The following KLRC4 variants were observed in gnomAD, a reference collection of about 807,000 sequenced individuals.
KLRC4 encodes the protein killer cell lectin like receptor C4, also known as NKG2-F type II integral membrane protein.
Under a neutral mutation model 14.3 loss-of-function variants are expected in KLRC4, and 6 were observed. That is an observed-to-expected ratio of 0.42 (90% CI 0.23 to 0.83). The LOEUF (loss-of-function observed/expected upper bound fraction) is 0.83. Among genes scored for constraint, KLRC4 ranks in the 40% least tolerant of loss-of-function variants. The pLI is 0.29. For synonymous variants in KLRC4, 53 were observed against 60.5 expected, an observed-to-expected ratio of 0.88 and a Z score of 0.57; for missense variants, 158 against 179.4, an observed-to-expected ratio of 0.88 and a Z score of 0.68.
rs1863554757 is a variant in KLRC4, at chr12:10,409,648, T to C, written c.-73A>G. On this transcript the variant is annotated 5_prime_UTR_variant, in exon 1 of 4. Coordinates refer to ENST00000309384, the MANE Select transcript of KLRC4 (RefSeq NM_013431.2). ...TTAAGAAGCTATAAGTGGTGTATAT[T>C]TTGACAGGATCCCTGGTATAGGCAA... 1 of 1,509,520 alleles carries C rather than the reference T, an allele frequency of 6.6e-7. No individual in the cohort carries two copies. Among genetic ancestry groups the C allele is most frequent in the Non-Finnish European group, 8.9e-7 (1 of 1,127,440 alleles). The allele number at this position is 1,509,520 out of a possible 1,614,324, so 93.5% of individuals were successfully genotyped here.
chr12:10,408,792 T>C, intron 2 of KLRC4, 120 bp downstream of exon 2: 2 of 1,207,040 alleles, frequency 1.7e-6, no homozygotes, highest in Non-Finnish European at 2.3e-6. Flanking sequence ...CATATTATCT[T>C]GGGGTTCAGA....
chr12:10,409,325 C>T lies in KLRC4; in HGVS notation c.187+64G>A, dbSNP rs1003878762. On this transcript the variant is annotated intron_variant, in intron 1 of 3. Coordinates refer to ENST00000309384, the MANE Select transcript of KLRC4 (RefSeq NM_013431.2). Reference sequence around the variant, plus strand: ...TGCAAAATATTCCCTAATCTTTCCCCACCTTTCTGCATTCAACTGCACATC... The same window carrying T: ...TGCAAAATATTCCCTAATCTTTCCCTACCTTTCTGCATTCAACTGCACATC... 7.4e-6 allele frequency: 11 copies of T among 1,480,312 alleles called. 1 individual carries two copies. Among genetic ancestry groups the T allele is most frequent in the South Asian group, 7.1e-5 (6 of 84,024 alleles). The allele number at this position is 1,480,312 out of a possible 1,614,324, so 91.7% of individuals were successfully genotyped here.
chr12:10,409,086 C>A, intron 1 of KLRC4, 76 bp from the exon 2 acceptor site: 1 of 1,485,610 alleles, frequency 6.7e-7, no homozygotes, highest in Non-Finnish European at 9.3e-7. Flanking sequence ...AGAGAACTCA[C>A]GTGCACAGGA....
At chr12:10,408,271 C>T in intron 3 of KLRC4, 58 bp downstream of exon 3, 3 of 963,468 alleles carry the variant, frequency 3.1e-6, no homozygotes, top group South Asian at 2.8e-5. Flanking sequence ...ATTTTGCATC[C>T]CTTTAGAGAC....
At position 10,409,111 on chromosome 12, in the gene KLRC4, A is replaced by G. The variant is rs1863546261; in HGVS notation, c.188-101T>C. ...CGTGCACAGGAAAACATAATGATAA[A>G]CTCTGTCCTCTAAATCTACATCTAC... On this transcript the variant is annotated intron_variant, in intron 1 of 3. Coordinates refer to ENST00000309384, the MANE Select transcript of KLRC4 (RefSeq NM_013431.2). 8.6e-6 allele frequency: 11 copies of G among 1,285,142 alleles called. No homozygotes were observed. In the East Asian group the frequency reaches 2.5e-4, roughly 30 times the overall value. 79.6% of individuals were successfully genotyped at this position (1,285,142 alleles called of 1,614,324 possible).
At chr12:10,407,894 C>T in intron 3 of KLRC4, 105 bp from the exon 4 acceptor site, 2 of 1,404,974 alleles carry the variant, frequency 1.4e-6, no homozygotes, top group Non-Finnish European at 1.9e-6. Context: ...TATCTGCATC[C>T]TCATAAGTTG....
chr12:10,409,124 A>C (rs1221874466), intron 1 of KLRC4, 114 bp from the exon 2 acceptor site: 1 of 1,143,516 alleles, frequency 8.7e-7, no homozygotes, highest in Non-Finnish European at 1.3e-6. Flanking sequence ...CTGTCCTCTA[A>C]ATCTACATCT....
At position 10,408,341 on chromosome 12, in the gene KLRC4, T is replaced by C; in HGVS notation, c.328A>G (p.Arg110Gly). ...LEQNNFSLNR[R>G]MQKARHCGHC... Reference sequence around the variant, plus strand: ...AATCATAATGTACCTTTCTGCATTCTTCTATTCAGGGAAAAATTGTTCTGC... The same window carrying C: ...AATCATAATGTACCTTTCTGCATTCCTCTATTCAGGGAAAAATTGTTCTGC... Residue 110 changes from arginine to glycine, a missense_variant, in exon 3 of 4, where the codon AGA (arginine) becomes GGA (glycine). Coordinates refer to ENST00000309384, the MANE Select transcript of KLRC4 (RefSeq NM_013431.2). 2 of 1,506,400 alleles carry C rather than the reference T, an allele frequency of 1.3e-6. No homozygotes were observed. The highest frequency in any genetic ancestry group is 2.3e-5 in the South Asian group (2 of 87,092). 93.3% of individuals were successfully genotyped at this position (1,506,400 alleles called of 1,614,324 possible).
intron 3 of KLRC4, 125 bp downstream of exon 3, chr12:10,408,204 T>C: frequency 1.6e-6 from 1 of 636,892 alleles, no homozygotes; most frequent in Non-Finnish European, 2.7e-6. Flanking sequence ...TAATCTTTAT[T>C]TTATAAACAT....
intron 3 of KLRC4, among the ~76,000 whole-genome samples, chr12:10,408,001 C>A (rs769773763): frequency 3.3e-4 from 50 of 152,126 alleles, no homozygotes; most frequent in Non-Finnish European, 2.9e-4. Context: ...ACAAAACAAG[C>A]CCGCCAACAA....
At chr12:10,408,853 A>T in intron 2 of KLRC4, 59 bp downstream of exon 2, 1 of 1,599,252 alleles carries the variant, frequency 6.3e-7, no homozygotes, top group South Asian at 1.1e-5. Context: ...AAATGTTTCA[A>T]GGCGCTTCCA....
In KLRC4 at chr12:10,409,654, A is replaced by G; in HGVS notation, c.-79T>C. 6.7e-7 allele frequency: 1 copy of G among 1,502,062 alleles called. No individual in the cohort carries two copies. Among genetic ancestry groups the G allele is most frequent in the Non-Finnish European group, 8.9e-7 (1 of 1,122,466 alleles). 93.0% of individuals were successfully genotyped at this position (1,502,062 alleles called of 1,614,324 possible). ...AGCTATAAGTGGTGTATATTTTGAC[A>G]GGATCCCTGGTATAGGCAAACTGCA... On this transcript the variant is annotated 5_prime_UTR_variant, in exon 1 of 4. Transcript: ENST00000309384.
intron 2 of KLRC4, 93 bp from the exon 3 acceptor site, chr12:10,408,475 T>A (rs1397157225): frequency 1.5e-6 from 1 of 660,050 alleles, no homozygotes; most frequent in East Asian, 3.1e-5. Context: ...TTTAAAATTA[T>A]TTTAAATTGG....
intron 1 of KLRC4, 139 bp downstream of exon 1, chr12:10,409,250 A>C: frequency 1.0e-6 from 1 of 999,500 alleles, no homozygotes; most frequent in Non-Finnish European, 1.5e-6. Flanking sequence ...CAGGCTTCAG[A>C]TTTCATATTA....
chr12:10,407,936 C>T, intron 3 of KLRC4, 147 bp from the exon 4 acceptor site: 1 of 1,164,990 alleles, frequency 8.6e-7, no homozygotes, highest in Admixed American at 3.0e-5. Context: ...ACGAGTCACT[C>T]ATACGCACAT....
rs759709263 is a variant in KLRC4 at position 10,409,398 on chromosome 12, G to GAT, written c.176_177dup (p.His60IlefsTer18). The GAT allele has an allele frequency of 3.7e-6, 6 of 1,608,550 alleles. No homozygotes were observed. ...CTATTTAATGTTTTACCTTTGCAGT[G>GAT]ATATGTCTTGTCATTCCCTTGATGA... On this transcript the variant is annotated frameshift_variant, in exon 1 of 4. Transcript: ENST00000309384. LOFTEE classifies it high-confidence loss of function.
intron 3 of KLRC4, among the ~76,000 whole-genome samples, chr12:10,408,105 A>C (rs17513986): frequency 0.1 from 15,517 of 152,176 alleles, 838 homozygotes; most frequent in Middle Eastern, 0.18. Flanking sequence ...AGTAGTAGGA[A>C]ATTTCAGTTA....
rs560497787 is a variant in KLRC4, at chr12:10,408,823, T to G, written c.286+89A>C. 28 of 1,532,814 alleles carry G rather than the reference T, an allele frequency of 1.8e-5. No homozygotes were observed. The South Asian group carries it at 2.9e-4, about 16-fold the overall frequency. 95.0% of individuals were successfully genotyped at this position (1,532,814 alleles called of 1,614,324 possible). On this transcript the variant is annotated intron_variant, in intron 2 of 3. Transcript: ENST00000309384. ...TCAGAGATATACATTAAACAGAGAA[T>G]TCTAATCCTCATTATTATGAAATGT...
At chr12:10,408,212 C>A in intron 3 of KLRC4, 117 bp downstream of exon 3, 1 of 659,522 alleles carries the variant, frequency 1.5e-6, no homozygotes, top group South Asian at 1.9e-5. Context: ...ATTTTATAAA[C>A]ATTTATGGCT....
Sources: gnomAD v4.1 joint callset for allele counts (sites outside exome capture counted in the v4.1 genomes callset) on GRCh38, gnomAD v4.1.1 for gene constraint, MANE v1.5 for transcripts, NCBI Gene and HGNC (gene_info 2026-07-23, HGNC 2026-07-21) for gene names.